The following ACTR3C variants were observed in gnomAD, a reference collection of about 807,000 sequenced individuals.
ACTR3C encodes actin related protein 3C, also known as actin-related protein 3C.
A neutral mutation model predicts 26.3 loss-of-function variants in ACTR3C; 18 were observed. That is an observed-to-expected ratio of 0.68 (90% CI 0.47 to 1.01). ACTR3C has a LOEUF of 1.01. ACTR3C is among the 50% of genes least tolerant of loss of function. The probability of loss-of-function intolerance (pLI) is 0.00; values close to 1 mark genes in which losing one functional copy is unlikely to be tolerated. For missense variants in ACTR3C, 184 were observed against 250.7 expected (o/e 0.73, Z 1.80); for synonymous variants, 55 against 94.5 (o/e 0.58, Z 2.42).
chr7:150,106,231 A>C, the ACTR3C span, among the ~76,000 whole-genome samples: 1 of 151,174 alleles, frequency 6.6e-6, no homozygotes, highest in Non-Finnish European at 1.5e-5. Flanking sequence ...TATAGAAAAG[A>C]ACTAACAACC....
chr7:149,941,633 C>T, the ACTR3C span, among the ~76,000 whole-genome samples: 1 of 152,162 alleles, frequency 6.6e-6, no homozygotes, highest in Admixed American at 6.5e-5. Context: ...CCTGTCCCTC[C>T]CCATGTCTAT....
the ACTR3C span, among the ~76,000 whole-genome samples, chr7:150,040,951 C>T: frequency 6.7e-6 from 1 of 150,262 alleles, no homozygotes; most frequent in Non-Finnish European, 1.5e-5. Context: ...GCAGTTGCTG[C>T]CAAAGCCCTC....
the ACTR3C span, among the ~76,000 whole-genome samples, chr7:150,207,596 T>C: frequency 6.6e-6 from 1 of 151,284 alleles, no homozygotes; most frequent in Non-Finnish European, 1.5e-5. Context: ...CGTAACTGTG[T>C]AGCACAATTT....
the ACTR3C span, among the ~76,000 whole-genome samples, chr7:150,224,057 T>A: frequency 6.6e-6 from 1 of 152,198 alleles, no homozygotes; most frequent in Non-Finnish European, 1.5e-5. Context: ...GGGCAAGCAC[T>A]CAAGAAGAGC....
At chr7:150,006,401 G>C in the ACTR3C span, among the ~76,000 whole-genome samples, 1 of 147,678 alleles carries the variant, frequency 6.8e-6, no homozygotes, top group South Asian at 2.2e-4. Flanking sequence ...GTTTCACTGT[G>C]TTAGCCAGGA....
chr7:149,931,062 C>T, the ACTR3C span, among the ~76,000 whole-genome samples: 53 of 152,294 alleles, frequency 3.5e-4, no homozygotes, highest in East Asian at 7.7e-4. Flanking sequence ...GACAGGGTTT[C>T]GCCATGTTGG....
the ACTR3C span, among the ~76,000 whole-genome samples, chr7:150,042,611 A>T: frequency 1.7e-4 from 25 of 149,788 alleles, no homozygotes; most frequent in Non-Finnish European, 3.2e-4. Flanking sequence ...TGGGAGTCCC[A>T]AGAGCCAGGG....
At chr7:149,973,765 T>A in the ACTR3C span, among the ~76,000 whole-genome samples, 1 of 151,726 alleles carries the variant, frequency 6.6e-6, no homozygotes, top group African/African-American at 2.4e-5. Context: ...GTCTTGCCAG[T>A]CCAGGTGTCC....
intron 1 of ACTR3C, among the ~76,000 whole-genome samples, chr7:150,313,048 C>T (rs1584999876): frequency 1.3e-5 from 2 of 152,310 alleles, no homozygotes; most frequent in East Asian, 3.9e-4. Flanking sequence ...TTCTTTTGGA[C>T]AATGAATCTT....
chr7:150,246,759 AT>A (rs1832484898), downstream of ACTR3C: 1 of 151,928 alleles, frequency 6.6e-6, no homozygotes, highest in Admixed American at 6.5e-5. Context: ...ATACCACAAA[AT>A]TTTTGCTTTT....
the ACTR3C span, among the ~76,000 whole-genome samples, chr7:149,993,253 C>T: frequency 1.3e-5 from 2 of 150,876 alleles, no homozygotes; most frequent in African/African-American, 2.4e-5. Context: ...AGGCATCCTT[C>T]AATCCAATCA....
At chr7:150,093,644 C>A in the ACTR3C span, among the ~76,000 whole-genome samples, 2 of 150,822 alleles carry the variant, frequency 1.3e-5, no homozygotes, top group African/African-American at 5.0e-5. Context: ...CATGACTAGG[C>A]TCTGTACACA....
At chr7:149,985,207 AACACACACAC>A in the ACTR3C span, among the ~76,000 whole-genome samples, 72 of 130,804 alleles carry the variant, frequency 5.5e-4, no homozygotes, top group South Asian at 2.0e-3. Context: ...CAAACAAAGC[AACACACACAC>A]ACACACACAC....
the ACTR3C span, among the ~76,000 whole-genome samples, chr7:150,150,148 C>T: frequency 3.9e-5 from 6 of 152,142 alleles, no homozygotes; most frequent in Non-Finnish European, 5.9e-5. Context: ...CTCTGGCTGG[C>T]GTCATCCAAA....
chr7:149,995,184 T>C, the ACTR3C span, among the ~76,000 whole-genome samples: 37,022 of 151,856 alleles, frequency 0.24, 4,546 homozygotes, highest in South Asian at 0.31. Flanking sequence ...CTCCATGCAA[T>C]GTCCTAGTTA....
intron 1 of ACTR3C, among the ~76,000 whole-genome samples, chr7:150,296,949 C>A (rs1202014976): frequency 6.6e-6 from 1 of 151,800 alleles, no homozygotes; most frequent in East Asian, 1.9e-4. Flanking sequence ...CGCCAGGAGC[C>A]AACCCCGACG....
the ACTR3C span, among the ~76,000 whole-genome samples, chr7:149,898,672 C>T: frequency 6.6e-6 from 1 of 151,456 alleles, no homozygotes; most frequent in East Asian, 1.9e-4. Context: ...CACGCCACTG[C>T]ACTCCAGCCT....
At chr7:150,149,119 A>ATATC in the ACTR3C span, among the ~76,000 whole-genome samples, 1 of 95,214 alleles carries the variant, frequency 1.1e-5, no homozygotes, top group South Asian at 3.5e-4. Flanking sequence ...ATATATATAT[A>ATATC]TATATATGCA....
chr7:149,886,041 G>T, the ACTR3C span, among the ~76,000 whole-genome samples: 1 of 152,250 alleles, frequency 6.6e-6, no homozygotes, highest in African/African-American at 2.4e-5. Flanking sequence ...CTGCCTCATA[G>T]AAGTTGTGCA....
Sources: gnomAD v4.1 joint callset for allele counts (sites outside exome capture counted in the v4.1 genomes callset) on GRCh38, gnomAD v4.1.1 for gene constraint, MANE v1.5 for transcripts, NCBI Gene and HGNC (gene_info 2026-07-23, HGNC 2026-07-21) for gene names.